The following LRRC4C variants were observed in gnomAD, a reference collection of about 807,000 sequenced individuals.
LRRC4C encodes the protein leucine-rich repeat-containing protein 4C.
LRRC4C carries 5 observed loss-of-function variants against 33.6 expected under a neutral mutation model. The ratio of observed to expected loss-of-function variants is 0.15; its 90% CI spans 0.08 to 0.31. The LOEUF (loss-of-function observed/expected upper bound fraction) is 0.31, where lower values mean the gene tolerates loss of function less well. Among genes scored for constraint, LRRC4C ranks in the 10% least tolerant of loss-of-function variants. LRRC4C has a pLI of 1.00. For missense variants in LRRC4C, 560 were observed against 796.7 expected (o/e 0.70, Z 3.58); for synonymous variants, 329 against 302.0 (o/e 1.09, Z -0.93).
chr11:40,704,023 G>A (rs559645440), intron 2 of LRRC4C, among the ~76,000 whole-genome samples: 8 of 152,200 alleles, frequency 5.3e-5, no homozygotes, highest in South Asian at 2.1e-4. Flanking sequence ...CCAATCATGC[G>A]CTGAAAATAT....
intron 1 of LRRC4C, among the ~76,000 whole-genome samples, chr11:41,446,133 C>T (rs1955818875): frequency 6.6e-6 from 1 of 152,156 alleles, no homozygotes; most frequent in African/African-American, 2.4e-5. Flanking sequence ...AGCTGCTCTG[C>T]AGTTGCAAAG....
At chr11:40,622,525 G>A (rs760411537) in intron 3 of LRRC4C, among the ~76,000 whole-genome samples, 5 of 151,784 alleles carry the variant, frequency 3.3e-5, no homozygotes, top group African/African-American at 4.8e-5. Context: ...GAGTCAAGCC[G>A]CATTCTAGCT....
At chr11:41,192,606 G>A (rs1180032910) in intron 1 of LRRC4C, among the ~76,000 whole-genome samples, 1 of 151,950 alleles carries the variant, frequency 6.6e-6, no homozygotes, top group Non-Finnish European at 1.5e-5. Context: ...GTACCAGCAA[G>A]AACAAAAACC....
At chr11:40,923,360 T>C (rs945607269) in intron 2 of LRRC4C, among the ~76,000 whole-genome samples, 7 of 152,214 alleles carry the variant, frequency 4.6e-5, no homozygotes, top group Admixed American at 2.6e-4. Flanking sequence ...ATTGTTCTTT[T>C]TTCCAGAAAA....
chr11:40,842,522 A>C (rs1952957124), intron 2 of LRRC4C, among the ~76,000 whole-genome samples: 1 of 152,140 alleles, frequency 6.6e-6, no homozygotes, highest in South Asian at 2.1e-4. Context: ...ATTACCTTAC[A>C]CACTTACTAT....
intron 3 of LRRC4C, among the ~76,000 whole-genome samples, chr11:40,344,958 A>G (rs1431915793): frequency 6.6e-6 from 1 of 152,200 alleles, no homozygotes; most frequent in Non-Finnish European, 1.5e-5. Flanking sequence ...GAGATAAAAG[A>G]TATCTACAAT....
At chr11:40,501,764 C>T (rs1375290923) in intron 3 of LRRC4C, among the ~76,000 whole-genome samples, 1 of 152,146 alleles carries the variant, frequency 6.6e-6, no homozygotes, top group African/African-American at 2.4e-5. Context: ...TCTGATATGT[C>T]CTGGAGACAT....
intron 2 of LRRC4C, among the ~76,000 whole-genome samples, chr11:40,665,342 ATATATATATATATATATATAT>A (rs1943727698): frequency 5.9e-5 from 1 of 17,022 alleles, no homozygotes; most frequent in African/African-American, 1.6e-4. Flanking sequence ...ATATATATAT[ATATATATATATATATATATAT>A]GTATATATAT....
chr11:41,247,941 T>C (rs916162756), intron 1 of LRRC4C, among the ~76,000 whole-genome samples: 1 of 152,110 alleles, frequency 6.6e-6, no homozygotes, highest in Non-Finnish European at 1.5e-5. Context: ...TTTGGACTCT[T>C]GATGCCAAAC....
intron 3 of LRRC4C, among the ~76,000 whole-genome samples, chr11:40,478,326 T>A (rs1953354278): frequency 1.3e-5 from 2 of 152,326 alleles, no homozygotes; most frequent in African/African-American, 4.8e-5. Context: ...CACCTCTTTT[T>A]AATGAAGGAA....
intron 3 of LRRC4C, among the ~76,000 whole-genome samples, chr11:40,431,553 A>T (rs1056158771): frequency 6.6e-6 from 1 of 151,718 alleles, no homozygotes; most frequent in Non-Finnish European, 1.5e-5. Flanking sequence ...GTTAATCTTC[A>T]TCTCTTTTTC....
intron 2 of LRRC4C, among the ~76,000 whole-genome samples, chr11:40,715,766 T>C (rs912486291): frequency 6.6e-6 from 1 of 152,222 alleles, no homozygotes; most frequent in Non-Finnish European, 1.5e-5. Context: ...AGCTCATGCC[T>C]ATAATCCCAG....
intron 1 of LRRC4C, among the ~76,000 whole-genome samples, chr11:41,286,719 T>A (rs898849661): frequency 6.7e-6 from 1 of 150,230 alleles, no homozygotes; most frequent in African/African-American, 2.5e-5. Flanking sequence ...GCTTTTAGAA[T>A]TGACATTTAC....
chr11:41,016,705 AG>A (rs1855607439), intron 1 of LRRC4C, among the ~76,000 whole-genome samples: 1 of 31,248 alleles, frequency 3.2e-5, no homozygotes, highest in Non-Finnish European at 8.9e-5. Flanking sequence ...GAGTGAACAC[AG>A]AGAGGTTTTC....
chr11:41,064,420 A>T (rs1026923336), intron 1 of LRRC4C, among the ~76,000 whole-genome samples: 13 of 152,248 alleles, frequency 8.5e-5, no homozygotes, highest in African/African-American at 1.7e-4. Flanking sequence ...TAATGACAGC[A>T]TAAGAAAAAT....
At chr11:41,053,520 G>A (rs544215399) in intron 1 of LRRC4C, among the ~76,000 whole-genome samples, 39 of 152,268 alleles carry the variant, frequency 2.6e-4, no homozygotes, top group African/African-American at 8.4e-4. Context: ...TGGAAAACAA[G>A]CTAAACCCTG....
intron 1 of LRRC4C, among the ~76,000 whole-genome samples, chr11:41,398,436 T>G (rs968073852): frequency 3.3e-5 from 5 of 152,034 alleles, no homozygotes; most frequent in Non-Finnish European, 5.9e-5. Flanking sequence ...TCAGTTAATT[T>G]ACTTAGCAGA....
At chr11:40,725,331 C>T (rs1191061104) in intron 2 of LRRC4C, among the ~76,000 whole-genome samples, 2 of 152,028 alleles carry the variant, frequency 1.3e-5, no homozygotes, top group Non-Finnish European at 2.9e-5. Context: ...ATAGTGAAAT[C>T]CTGTCTCTAC....
chr11:41,106,074 G>A (rs550150878), intron 1 of LRRC4C, among the ~76,000 whole-genome samples: 7 of 152,092 alleles, frequency 4.6e-5, no homozygotes, highest in African/African-American at 1.7e-4. Flanking sequence ...TAACTGCATG[G>A]AAACAGGAAT....
Sources: gnomAD v4.1 joint callset for allele counts (sites outside exome capture counted in the v4.1 genomes callset) on GRCh38, gnomAD v4.1.1 for gene constraint, MANE v1.5 for transcripts, NCBI Gene and HGNC (gene_info 2026-07-23, HGNC 2026-07-21) for gene names.